Variants in UPK1A observed in about 807,000 individuals in gnomAD.
The protein encoded by UPK1A is uroplakin 1A.
In UPK1A, 31 loss-of-function variants were observed where a neutral mutation model predicts 32.3. That is an observed-to-expected ratio of 0.96 (90% CI 0.72 to 1.30). The LOEUF is 1.30. UPK1A is among the 50% of genes most tolerant of loss of function. UPK1A has a pLI of 0.00. For synonymous variants in UPK1A, 135 were observed against 137.1 expected, an observed-to-expected ratio of 0.98 and a Z score of 0.11; for missense variants, 340 against 357.4, an observed-to-expected ratio of 0.95 and a Z score of 0.39.
At chr19:35,667,408 CTG>C (rs1259309445) in intron 2 of UPK1A, among the ~76,000 whole-genome samples, 1 of 152,044 alleles carries the variant, frequency 6.6e-6, no homozygotes, top group African/African-American at 2.4e-5. Context: ...TCTCAGCTAA[CTG>C]CAACCTCTAA....
intron 3 of UPK1A, among the ~76,000 whole-genome samples, chr19:35,672,157 T>C (rs1968111904): frequency 6.6e-6 from 1 of 152,208 alleles, no homozygotes; most frequent in Non-Finnish European, 1.5e-5. Context: ...TCTCCTGCCC[T>C]CTGTGCCGTT....
chr19:35,669,397 G>A (rs1968051108), intron 3 of UPK1A, among the ~76,000 whole-genome samples: 1 of 151,850 alleles, frequency 6.6e-6, no homozygotes, highest in African/African-American at 2.4e-5. Flanking sequence ...AGGCGCAGTG[G>A]CTCATGCCTG....
At chr19:35,673,198 T>G in intron 3 of UPK1A, 34 bp from the exon 4 acceptor site, 1 of 1,610,166 alleles carries the variant, frequency 6.2e-7, no homozygotes, top group Non-Finnish European at 8.5e-7. Context: ...TCACGGGCTC[T>G]GCCCGACGGG....
At chr19:35,676,716 T>C (rs958271424) in intron 6 of UPK1A, among the ~76,000 whole-genome samples, 10 of 151,676 alleles carry the variant, frequency 6.6e-5, no homozygotes, top group Non-Finnish European at 7.4e-5. Context: ...CTGACCAACA[T>C]GGCGAAACCC....
rs752824114 is a variant in UPK1A, at chr19:35,676,038, C to CTCCATCTGTCTA, written c.648+31_648+42dup. 1 of 1,604,198 alleles carries CTCCATCTGTCTA rather than the reference C, an allele frequency of 6.2e-7. No homozygotes were observed. The highest frequency in any genetic ancestry group is 8.5e-7 in the Non-Finnish European group (1 of 1,174,752). On this transcript the variant is annotated intron_variant, in intron 6 of 7. Transcript: ENST00000617999. ...CACCAAGGTGTGGCCGTCTGCCCTG[C>CTCCATCTGTCTA]TCCATCTGTCTATCCATCTGTCTGT...
chr19:35,674,199 C>T (rs965797629), intron 5 of UPK1A, among the ~76,000 whole-genome samples: 3 of 149,874 alleles, frequency 2.0e-5, no homozygotes, highest in African/African-American at 7.4e-5. Context: ...GCATGAGCCA[C>T]GAGTGCCTGG....
chr19:35,676,084 C>A, intron 6 of UPK1A, 65 bp downstream of exon 6: 1 of 1,485,972 alleles, frequency 6.7e-7, no homozygotes, highest in Non-Finnish European at 9.1e-7. Context: ...TCTCTGCTCC[C>A]TCTCTGATTC....
intron 2 of UPK1A, chr19:35,668,088 C>A: frequency 3.0e-6 from 1 of 330,774 alleles, no homozygotes; most frequent in East Asian, 7.6e-5. Flanking sequence ...TTGCCTGGCC[C>A]ATTTGTAATG....
intron 6 of UPK1A, among the ~76,000 whole-genome samples, 195 bp from the exon 7 acceptor site, chr19:35,677,617 G>A (rs1968201089): frequency 6.6e-6 from 1 of 152,100 alleles, no homozygotes; most frequent in Admixed American, 6.6e-5. Context: ...CTTGTGCAGG[G>A]CCTGGGTTCA....
Position 35,668,520 on chromosome 19 carries a change from C to A in UPK1A, c.151C>A (p.Leu51Met), listed in dbSNP as rs751607044. The A allele has an allele frequency of 7.4e-6, 12 of 1,614,100 alleles. No homozygotes were observed. The East Asian group carries it at 2.4e-4, about 33-fold the overall frequency. Residue 51 changes from leucine to methionine, a missense_variant, in exon 3 of 8, where the codon CTG (leucine) becomes ATG (methionine). Transcript: ENST00000617999. ...AGCCGACCAGTACCGTGTATACCCACTGATGGGAGTCTCAGGCAAGGATGA... is the reference window on the plus strand; with the variant it reads ...AGCCGACCAGTACCGTGTATACCCAATGATGGGAGTCTCAGGCAAGGATGA...
At chr19:35,668,737 C>T (rs1968041490) in intron 3 of UPK1A, 83 bp downstream of exon 3, 1 of 1,442,832 alleles carries the variant, frequency 6.9e-7, no homozygotes, top group East Asian at 2.5e-5. Context: ...GCAGCCCCAG[C>T]CACTAGTGTG....
chr19:35,666,688 A>C (rs546869040), intron 1 of UPK1A, 121 bp from the exon 2 acceptor site: 1 of 955,668 alleles, frequency 1.0e-6, no homozygotes, highest in African/African-American at 1.6e-5. Context: ...TGGGTACATC[A>C]GTACCAGCCT....
intron 3 of UPK1A, among the ~76,000 whole-genome samples, chr19:35,671,839 T>TCAA (rs1260682938): frequency 6.6e-6 from 1 of 152,010 alleles, no homozygotes; most frequent in Non-Finnish European, 1.5e-5. Flanking sequence ...TCACCTGATT[T>TCAA]CAACAACATC....
At chr19:35,676,125 T>A in intron 6 of UPK1A, 106 bp downstream of exon 6, 1 of 1,284,452 alleles carries the variant, frequency 7.8e-7, no homozygotes, top group Non-Finnish European at 1.1e-6. Context: ...TCTGTCCGTC[T>A]AGCTTTTTCC....
intron 5 of UPK1A, among the ~76,000 whole-genome samples, chr19:35,675,235 C>T (rs1360091116): frequency 1.3e-5 from 2 of 151,968 alleles, no homozygotes; most frequent in Non-Finnish European, 2.9e-5. Context: ...CAGAAATCTG[C>T]CCTTTTTGTG....
intron 3 of UPK1A, among the ~76,000 whole-genome samples, chr19:35,672,048 C>T (rs1968110048): frequency 6.6e-6 from 1 of 152,192 alleles, no homozygotes; most frequent in African/African-American, 2.4e-5. Context: ...GCAGAGTTCA[C>T]ACATCCACAC....
chr19:35,666,853 C>A lies in UPK1A; in HGVS notation c.41C>A (p.Pro14Gln), dbSNP rs748635844. The A allele has an allele frequency of 2.5e-6, 4 of 1,613,994 alleles. No homozygotes were observed. In the Admixed American group the frequency reaches 5.0e-5, roughly 20 times the overall value. Reference sequence around the variant, plus strand: ...GCAGCGGAGGCCGAGAAGGGATCTCCAGTTGTGGTGGGCCTGCTAGTTGTG... The same window carrying A: ...GCAGCGGAGGCCGAGAAGGGATCTCAAGTTGTGGTGGGCCTGCTAGTTGTG... The change falls in exon 2 of 8, where the codon CCA (proline) becomes CAA (glutamine). Residue 14 changes from proline to glutamine, a missense_variant. Transcript: ENST00000617999.
Position 35,666,540 on chromosome 19 carries a change from T to G in UPK1A, c.-5+2T>G. The G allele has an allele frequency of 2.2e-6, 1 of 457,814 alleles. No homozygotes were observed. Among genetic ancestry groups the G allele is most frequent in the Non-Finnish European group, 4.0e-6 (1 of 251,090 alleles). 28.4% of individuals were successfully genotyped at this position (457,814 alleles called of 1,614,324 possible). A position where few individuals can be genotyped will look rare whatever the true frequency, so the allele number is the denominator to read the frequency against. ...CCAGAGAGGCTGCAGACAGAGAAGG[T>G]GAGGAGGGGGCCCTGGGAGTCTGGG... On this transcript the variant is annotated splice_donor_variant, in intron 1 of 7. Transcript: ENST00000617999. LOFTEE classifies it low-confidence loss of function (5UTR_SPLICE).
intron 3 of UPK1A, among the ~76,000 whole-genome samples, chr19:35,672,423 A>C (rs1281518398): frequency 6.6e-6 from 1 of 152,128 alleles, no homozygotes; most frequent in Non-Finnish European, 1.5e-5. Context: ...CACCATGCCC[A>C]GCTAATTTTT....
Sources: allele counts gnomAD v4.1 joint callset (sites outside exome capture counted in the v4.1 genomes callset), GRCh38; gene constraint gnomAD v4.1.1; transcripts MANE v1.5; gene names NCBI Gene and HGNC (gene_info 2026-07-23, HGNC 2026-07-21).